ADGRB2: variants seen among roughly 807,000 people sequenced by gnomAD.
ADGRB2 encodes brain-specific angiogenesis inhibitor 2.
Under a neutral mutation model 178.7 loss-of-function variants are expected in ADGRB2, and 47 were observed. That is an observed-to-expected ratio of 0.26 (90% CI 0.21 to 0.34). ADGRB2 has a LOEUF of 0.34. Ranked by LOEUF, ADGRB2 falls within the 10% of genes least tolerant of loss-of-function variation. The pLI is 1.00. For synonymous variants in ADGRB2, 870 were observed against 912.4 expected (o/e 0.95, Z 0.84); for missense variants, 1,584 against 2,180.8 (o/e 0.73, Z 5.45).
rs180969357 is a variant in ADGRB2, at chr1:31,757,569, C to G, written c.-190-58G>C. The stretch of plus-strand genomic sequence containing the variant: ...AGGGGACATTGGGCTTGAGCCCCAA[C>G]CCAGCCAGCCACCTGCTGGTGGGTG... On this transcript the variant is annotated intron_variant, in intron 1 of 32. Transcript: ENST00000373658. 8.5e-5 allele frequency: 24 copies of G among 281,944 alleles called. No homozygotes were observed. In the East Asian group the frequency reaches 1.5e-3, roughly 18 times the overall value. The allele number at this position is 281,944 out of a possible 1,614,324, so 17.5% of individuals were successfully genotyped here.
Position 31,742,863 on chromosome 1 carries a change from C to A in ADGRB2, c.1227G>T (p.Lys409Asn). The change falls in exon 7 of 33, where the codon AAG (lysine) becomes AAT (asparagine). Residue 409 changes from lysine to asparagine, a missense_variant. By Grantham distance (94) the Lys-to-Asn change is moderately conservative. Around this residue, in one of 3 missense-constraint regions of ADGRB2, gnomAD observed 657 missense variants for 847.6 expected, o/e 0.78. Transcript: ENST00000373658. ...KACEGPELQT[K>N]LCSMAACPVE... ...CCGGGCAGGCAGCCATACTGCAGAG[C>A]TTAGTCTGCAGCTCAGGACCCTCGC... The A allele has an allele frequency of 6.6e-7, 1 of 1,524,426 alleles. No homozygotes were observed. The highest frequency in any genetic ancestry group is 8.8e-7 in the Non-Finnish European group (1 of 1,131,378). The allele number at this position is 1,524,426 out of a possible 1,614,324, so 94.4% of individuals were successfully genotyped here. A position where few individuals can be genotyped will look rare whatever the true frequency, so the allele number is the denominator to read the frequency against.
intron 6 of ADGRB2, 59 bp from the exon 7 acceptor site, chr1:31,743,061 G>C: frequency 7.4e-7 from 1 of 1,346,872 alleles, no homozygotes; most frequent in Non-Finnish European, 9.5e-7. Flanking sequence ...CACCACCGGC[G>C]CCTGCCCATC....
chr1:31,744,650 G>A lies in ADGRB2; in HGVS notation c.920C>T (p.Thr307Ile). ...ADEPGLYMAQTGDPAAEEWSP... is the reference protein window; with the variant it reads ...ADEPGLYMAQIGDPAAEEWSP... ...GAAGGGAGGCGGGCCCGAGTTACCT[G>A]TCTGCGCCATGTATAGCCCAGGCTC... Residue 307 changes from threonine (T) to isoleucine (I), a missense_variant and splice_region_variant, in exon 5 of 33, where the codon ACA becomes ATA. Thr to Ile is a moderately conservative substitution (Grantham distance 89). Transcript: ENST00000373658. This position sits in a 1 kb window ranked among gnomAD's most constrained non-coding sequence, Gnocchi z 6.7. 2 of 1,614,152 alleles carry A rather than the reference G, an allele frequency of 1.2e-6. No individual in the cohort carries two copies. Among genetic ancestry groups the A allele is most frequent in the Non-Finnish European group, 1.7e-6 (2 of 1,179,996 alleles).
rs144046263 is a variant in ADGRB2, at chr1:31,739,468, C to A, written c.2335G>T (p.Ala779Ser). ...SSPGKPATSG[A>S]AGSPGRGRGP... Reference sequence around the variant, plus strand: ...CTCCCCCTGCCAGGGCTGCCTGCTGCCCCAGATGTGGCTGGCTTCCCTGGG... The same window carrying A: ...CTCCCCCTGCCAGGGCTGCCTGCTGACCCAGATGTGGCTGGCTTCCCTGGG... The change falls in exon 15 of 33, where the codon GCA becomes TCA. Residue 779 changes from alanine (A) to serine (S), a missense_variant. Physicochemically the swap from Ala to Ser is moderately conservative, Grantham distance 99. Transcript: ENST00000373658. 6 of 1,610,718 alleles carry A rather than the reference C, an allele frequency of 3.7e-6. No homozygotes were observed. The highest frequency in any genetic ancestry group is 1.3e-5 in the African/African-American group (1 of 74,870).
chr1:31,734,382 G>A (rs959352081), intron 25 of ADGRB2, among the ~76,000 whole-genome samples: 8 of 152,328 alleles, frequency 5.3e-5, no homozygotes, highest in African/African-American at 1.9e-4. Flanking sequence ...CAGCTTGACC[G>A]ACTCCAAAGC....
chr1:31,762,993 G>A (rs965818585), intron 1 of ADGRB2, among the ~76,000 whole-genome samples: 1 of 152,250 alleles, frequency 6.6e-6, no homozygotes, highest in Non-Finnish European at 1.5e-5. Flanking sequence ...CAAGCTGACT[G>A]CGGGAGTGGC....
chr1:31,735,087 G>A lies in ADGRB2; in HGVS notation c.3452+96C>T. 1 of 1,194,672 alleles carries A rather than the reference G, an allele frequency of 8.4e-7. No homozygotes were observed. Among genetic ancestry groups the A allele is most frequent in the South Asian group, 1.9e-5 (1 of 53,296 alleles). The allele number at this position is 1,194,672 out of a possible 1,614,324, so 74.0% of individuals were successfully genotyped here. On this transcript the variant is annotated intron_variant, in intron 25 of 32. Coordinates refer to ENST00000373658, the MANE Select transcript of ADGRB2 (RefSeq NM_001364857.2). This position sits in a 1 kb window ranked among gnomAD's most constrained non-coding sequence, Gnocchi z 6.0. ...AAAGGGCAAGCTTTCCAGGGCACTGGGCTGATATCCCTCCTCCTCCCCCCA... is the reference window on the plus strand; with the variant it reads ...AAAGGGCAAGCTTTCCAGGGCACTGAGCTGATATCCCTCCTCCTCCCCCCA...
In ADGRB2 at chr1:31,735,323, T is replaced by C. The variant is rs781018763; in HGVS notation, c.3354-42A>G. 19 of 1,281,586 alleles carry C rather than the reference T, an allele frequency of 1.5e-5. No individual in the cohort carries two copies. Among genetic ancestry groups the C allele is most frequent in the African/African-American group, 6.2e-5 (4 of 64,674 alleles). 79.4% of individuals were successfully genotyped at this position (1,281,586 alleles called of 1,614,324 possible). A position where few individuals can be genotyped will look rare whatever the true frequency, so the allele number is the denominator to read the frequency against. ...ACATGGGAGAAGGAGGGGAAACACATGGGAAGCCGGGAGATGGGGCAGAAT... is the reference window on the plus strand; with the variant it reads ...ACATGGGAGAAGGAGGGGAAACACACGGGAAGCCGGGAGATGGGGCAGAAT... On this transcript the variant is annotated intron_variant, in intron 24 of 32. Coordinates refer to ENST00000373658, the MANE Select transcript of ADGRB2 (RefSeq NM_001364857.2). The surrounding 1 kb of genome is among the most constrained non-coding windows in gnomAD (Gnocchi z 6.0).
Position 31,740,895 on chromosome 1 carries a change from G to T in ADGRB2, c.1795-354C>A, listed in dbSNP as rs74660629. 7.1e-6 allele frequency among the ~76,000 whole-genome samples: 1 copy of T among 140,482 alleles called. No individual in the cohort carries two copies. Among genetic ancestry groups the T allele is most frequent in the East Asian group, 2.2e-4 (1 of 4,630 alleles). The allele number at this position is 140,482 out of a possible 152,430, so 92.2% of individuals were successfully genotyped here. A position where few individuals can be genotyped will look rare whatever the true frequency, so the allele number is the denominator to read the frequency against. Reference sequence around the variant, plus strand: ...AATGAGCATGTGTGTGGGCGCGCGCGCACACACACACACACACACACACAC... The same window carrying T: ...AATGAGCATGTGTGTGGGCGCGCGCTCACACACACACACACACACACACAC... On this transcript the variant is annotated intron_variant, in intron 11 of 32. Coordinates refer to ENST00000373658, the MANE Select transcript of ADGRB2 (RefSeq NM_001364857.2). The surrounding 1 kb of genome is among the most constrained non-coding windows in gnomAD (Gnocchi z 5.9).
chr1:31,751,712 A>G (rs1390240257), intron 4 of ADGRB2, among the ~76,000 whole-genome samples: 3 of 152,228 alleles, frequency 2.0e-5, no homozygotes, highest in African/African-American at 4.8e-5. Context: ...TAAAAATGAT[A>G]CAATTGAAAG....
chr1:31,737,312 A>C (rs1645667565), intron 20 of ADGRB2, 117 bp downstream of exon 20: 2 of 960,938 alleles, frequency 2.1e-6, no homozygotes, highest in Admixed American at 4.0e-5. Context: ...TAATCCCAAC[A>C]TGGGGCACAC....
intron 4 of ADGRB2, among the ~76,000 whole-genome samples, chr1:31,749,571 G>C (rs1646452358): frequency 6.6e-6 from 1 of 152,254 alleles, no homozygotes; most frequent in African/African-American, 2.4e-5. Flanking sequence ...TGAGAATTCA[G>C]TGAAAACAGA....
At position 31,727,866 on chromosome 1, in the gene ADGRB2, G is replaced by A; in HGVS notation, c.4572+159C>T. ...GGACCTCCACCCCTGTTCGCCATCT[G>A]CAGCACCTTCCCCACCCCCAGGCGG... is the stretch of plus-strand genomic sequence containing the variant. On this transcript the variant is annotated intron_variant, in intron 32 of 32. Transcript: ENST00000373658. This position sits in a 1 kb window ranked among gnomAD's most constrained non-coding sequence, Gnocchi z 4.4. The A allele has an allele frequency of 9.4e-7, 1 of 1,061,732 alleles. No homozygotes were observed. Among genetic ancestry groups the A allele is most frequent in the Admixed American group, 2.8e-5 (1 of 35,364 alleles). The allele number at this position is 1,061,732 out of a possible 1,614,324, so 65.8% of individuals were successfully genotyped here. A position where few individuals can be genotyped will look rare whatever the true frequency, so the allele number is the denominator to read the frequency against.
chr1:31,756,083 CCAGGGCAT>C lies in ADGRB2; in HGVS notation c.746_753del (p.Asn249SerfsTer10), dbSNP rs1557790122. The C allele has an allele frequency of 2.5e-6, 4 of 1,613,886 alleles. No homozygotes were observed. The highest frequency in any genetic ancestry group is 2.5e-6 in the Non-Finnish European group (3 of 1,180,006). ...GCAGGTGGGGCTGGGCCCCCGGGCA[CCAGGGCAT>C]TGGACAGGGTGTGGGCAGCAGGAGG... On this transcript the variant is annotated frameshift_variant, in exon 4 of 33. Transcript: ENST00000373658. LOFTEE classifies it high-confidence loss of function. This position sits in a 1 kb window ranked among gnomAD's most constrained non-coding sequence, Gnocchi z 8.5.
rs1359051346 is a variant in ADGRB2, at chr1:31,736,614, C to G, written c.3089G>C (p.Arg1030Pro). ...GAAGCGCTTGCGAACGAGGCGGGTG[C>G]GCATCCGCCCAATGACAGCCAGGTA... The part of the protein sequence containing the change: ...QSYLAVIGRM[R>P]TRLVRKRFLC... Residue 1030 changes from arginine (R) to proline (P), a missense_variant, in exon 21 of 33, where the codon CGC (arginine) becomes CCC (proline). Physicochemically the swap from Arg to Pro is moderately radical, Grantham distance 103. This residue lies in a region of ADGRB2 where 865 missense variants were observed against 1,192.8 expected (regional missense o/e 0.73). Transcript: ENST00000373658. 2.5e-6 allele frequency: 4 copies of G among 1,614,086 alleles called. No individual in the cohort carries two copies. Among genetic ancestry groups the G allele is most frequent in the Non-Finnish European group, 3.4e-6 (4 of 1,179,976 alleles).
chr1:31,744,629 G>A lies in ADGRB2; in HGVS notation c.922+19C>T. ...AGTCGGGCCCCCGCCGCAGAGGAAG[G>A]GAGGCGGGCCCGAGTTACCTGTCTG... On this transcript the variant is annotated intron_variant, in intron 5 of 32. Transcript: ENST00000373658. This position sits in a 1 kb window ranked among gnomAD's most constrained non-coding sequence, Gnocchi z 6.7. The A allele has an allele frequency of 6.2e-7, 1 of 1,613,176 alleles. No homozygotes were observed. Among genetic ancestry groups the A allele is most frequent in the Non-Finnish European group, 8.5e-7 (1 of 1,179,460 alleles).
rs1325133938 is a variant in ADGRB2, at chr1:31,740,181, G to A, written c.1990-3C>T. 6.2e-7 allele frequency: 1 copy of A among 1,613,964 alleles called. No homozygotes were observed. Among genetic ancestry groups the A allele is most frequent in the African/African-American group, 1.3e-5 (1 of 74,938 alleles). On this transcript the variant is annotated splice_polypyrimidine_tract_variant and splice_region_variant and intron_variant, in intron 12 of 32. Transcript: ENST00000373658. This position sits in a 1 kb window ranked among gnomAD's most constrained non-coding sequence, Gnocchi z 5.9. Reference sequence around the variant, plus strand: ...AAGCTCACCACCTGGAAGAAGCGCTGAGGAGAGAGCAATGAGTGGCAGGGG... The same window carrying A: ...AAGCTCACCACCTGGAAGAAGCGCTAAGGAGAGAGCAATGAGTGGCAGGGG...
Position 31,737,442 on chromosome 1 carries a change from C to A in ADGRB2, c.2966G>T (p.Arg989Leu). Residue 989 changes from arginine (R) to leucine (L), a missense_variant, in exon 20 of 33, where the codon CGG becomes CTG. By Grantham distance (102) the Arg-to-Leu change is moderately radical. Transcript: ENST00000373658. The stretch of plus-strand genomic sequence containing the variant: ...GTCTGCACCTGCCTTGCTCAGCACC[C>A]GGGACTGGCCCACGAGGATCAGGAT... Reference protein sequence around the residue: ...SNILILVGQSRVLSKGVCTMT... With the variant: ...SNILILVGQSLVLSKGVCTMT... 6.2e-7 allele frequency: 1 copy of A among 1,614,090 alleles called. No individual in the cohort carries two copies. Among genetic ancestry groups the A allele is most frequent in the Middle Eastern group, 1.6e-4 (1 of 6,062 alleles).
At chr1:31,736,029 C>T (rs1645590032) in intron 22 of ADGRB2, 136 bp from the exon 23 acceptor site, 1 of 989,198 alleles carries the variant, frequency 1.0e-6, no homozygotes, top group South Asian at 1.6e-5. Context: ...GAGAGTGAGC[C>T]ACTGGCTCCT....
Sources: allele counts gnomAD v4.1 joint callset (sites outside exome capture counted in the v4.1 genomes callset), GRCh38; gene constraint gnomAD v4.1.1; regional missense constraint gnomAD v4.1.1; non-coding constraint Gnocchi (gnomAD v3.1); transcripts MANE v1.5; gene names NCBI Gene and HGNC (gene_info 2026-07-23, HGNC 2026-07-21).